The following FRMPD4 variants were observed in gnomAD, a reference collection of about 807,000 sequenced individuals.
The protein encoded by FRMPD4 is FERM and PDZ domain-containing protein 4.
Under a neutral mutation model 94.1 loss-of-function variants are expected in FRMPD4, and 22 were observed. That is an observed-to-expected ratio of 0.23 (90% CI 0.17 to 0.33). The LOEUF (loss-of-function observed/expected upper bound fraction) is 0.33. FRMPD4 is among the 10% of genes least tolerant of loss of function. FRMPD4 has a pLI of 1.00. For missense variants in FRMPD4, 1,111 were observed against 1,339.9 expected (o/e 0.83, Z 2.67); for synonymous variants, 631 against 548.6 (o/e 1.15, Z -2.10).
intron 1 of FRMPD4, among the ~76,000 whole-genome samples, chrX:12,208,426 A>G (rs7063896): frequency 0.025 from 2,704 of 109,369 alleles, 85 homozygotes; most frequent in African/African-American, 0.079. Flanking sequence ...GGGTGAAAAT[A>G]TGGGGAATAA....
chrX:12,349,046 C>T (rs182025514), intron 1 of FRMPD4, among the ~76,000 whole-genome samples: 70 of 111,591 alleles, frequency 6.3e-4, no homozygotes, highest in African/African-American at 2.2e-3. Context: ...AAACGCCCAG[C>T]AAGTGGGCCT....
chrX:12,457,121 A>G (rs764994318), intron 1 of FRMPD4, among the ~76,000 whole-genome samples: 52 of 112,577 alleles, frequency 4.6e-4, no homozygotes, highest in African/African-American at 1.5e-3. Flanking sequence ...ACTGTTTGCA[A>G]TCACAGCTGA....
At chrX:12,440,179 T>A (rs777674044) in intron 1 of FRMPD4, among the ~76,000 whole-genome samples, 5 of 112,270 alleles carry the variant, frequency 4.5e-5, no homozygotes, top group Non-Finnish European at 9.4e-5. Flanking sequence ...CAGATAATGA[T>A]GTAGTATAAG....
At chrX:12,634,936 C>T (rs184568370) in intron 4 of FRMPD4, among the ~76,000 whole-genome samples, 5 of 104,705 alleles carry the variant, frequency 4.8e-5, no homozygotes, top group Admixed American at 1.1e-4. Context: ...AGGGCTCAAG[C>T]GATTCTTCTG....
intron 2 of FRMPD4, among the ~76,000 whole-genome samples, chrX:12,603,160 A>G (rs1280758259): frequency 8.9e-6 from 1 of 112,030 alleles, no homozygotes; most frequent in Non-Finnish European, 1.9e-5. Context: ...AAAAATGTTT[A>G]TACTCCATAA....
chrX:11,935,270 T>TTTTG, intron 3 of FRMPD4, among the ~76,000 whole-genome samples: 1 of 3,594 alleles, frequency 2.8e-4, no homozygotes, highest in Non-Finnish European at 4.6e-4. Context: ...TTTTAATGTG[T>TTTTG]TTTTTTTTTT....
chrX:11,857,061 CACAA>C (rs2053657633), intron 1 of FRMPD4, among the ~76,000 whole-genome samples: 1 of 111,678 alleles, frequency 9.0e-6, no homozygotes, highest in Non-Finnish European at 1.9e-5. Context: ...TCAGAGATGA[CACAA>C]ACAAATGGAA....
At chrX:12,612,718 A>C (rs1317518347) in intron 3 of FRMPD4, among the ~76,000 whole-genome samples, 2 of 112,518 alleles carry the variant, frequency 1.8e-5, no homozygotes, top group Admixed American at 9.4e-5. Context: ...TTCGTCCTTC[A>C]GTTACTTTGA....
intron 3 of FRMPD4, among the ~76,000 whole-genome samples, chrX:12,090,398 A>G (rs2055144354): frequency 9.0e-6 from 1 of 110,530 alleles, no homozygotes; most frequent in Non-Finnish European, 1.9e-5. Flanking sequence ...AGATGCCAGC[A>G]TCATGCTTCC....
At chrX:11,919,037 C>T (rs1407030332) in intron 3 of FRMPD4, among the ~76,000 whole-genome samples, 2 of 112,494 alleles carry the variant, frequency 1.8e-5, no homozygotes, top group African/African-American at 6.5e-5. Flanking sequence ...CTAACAAAGT[C>T]ATTTTAATTG....
chrX:12,136,787 G>C (rs1281805159), upstream of FRMPD4, among the ~76,000 whole-genome samples: 1 of 109,696 alleles, frequency 9.1e-6, no homozygotes, highest in Admixed American at 9.8e-5. Context: ...ACGGGATCTA[G>C]GGTCCTGTTG....
At chrX:12,308,748 A>G (rs1477146882) in intron 1 of FRMPD4, among the ~76,000 whole-genome samples, 1 of 111,831 alleles carries the variant, frequency 8.9e-6, no homozygotes, top group Non-Finnish European at 1.9e-5. Flanking sequence ...CTGGCTTACC[A>G]AGGCAGGGAA....
intron 1 of FRMPD4, among the ~76,000 whole-genome samples, chrX:12,284,497 T>C (rs1478538625): frequency 1.3e-4 from 14 of 111,623 alleles, no homozygotes; most frequent in Non-Finnish European, 7.5e-5. Context: ...AGAACATGCC[T>C]TCCCAAATTG....
intron 2 of FRMPD4, among the ~76,000 whole-genome samples, chrX:12,606,720 G>C (rs1167820955): frequency 9.0e-6 from 1 of 111,402 alleles, no homozygotes; most frequent in Non-Finnish European, 1.9e-5. Context: ...TTCAGGGCCA[G>C]GTTCCAAAAA....
intron 4 of FRMPD4, among the ~76,000 whole-genome samples, chrX:12,638,372 G>A (rs1162943573): frequency 8.9e-6 from 1 of 111,844 alleles, no homozygotes; most frequent in Non-Finnish European, 1.9e-5. Flanking sequence ...GAGTAGCTGG[G>A]ACTATAGGCA....
At chrX:12,590,089 T>C (rs1448435199) in intron 2 of FRMPD4, among the ~76,000 whole-genome samples, 2 of 112,629 alleles carry the variant, frequency 1.8e-5, no homozygotes, top group Non-Finnish European at 3.8e-5. Flanking sequence ...AACTTTCATC[T>C]GGTGTTTGTG....
At chrX:12,543,958 C>T (rs1321929930) in intron 2 of FRMPD4, among the ~76,000 whole-genome samples, 4 of 109,724 alleles carry the variant, frequency 3.6e-5, no homozygotes, top group African/African-American at 1.0e-4. Context: ...AAGCTGGAAA[C>T]CATCATTCTC....
At chrX:12,430,600 C>T (rs745443650) in intron 1 of FRMPD4, among the ~76,000 whole-genome samples, 8 of 111,874 alleles carry the variant, frequency 7.2e-5, no homozygotes, top group African/African-American at 1.6e-4. Flanking sequence ...TTCATCTTAA[C>T]GCCTGGTTTT....
At chrX:12,379,649 G>GTGTGTT (rs2056292919) in intron 1 of FRMPD4, among the ~76,000 whole-genome samples, 1 of 97,550 alleles carries the variant, frequency 1.0e-5, no homozygotes, top group South Asian at 4.4e-4. Context: ...TGCCGTGTGT[G>GTGTGTT]TGTGTGTGTG....
Sources: allele counts gnomAD v4.1 joint callset (sites outside exome capture counted in the v4.1 genomes callset), GRCh38; gene constraint gnomAD v4.1.1; transcripts MANE v1.5; gene names NCBI Gene and HGNC (gene_info 2026-07-23, HGNC 2026-07-21).